CDC73: variants seen among roughly 807,000 people sequenced by gnomAD.
CDC73 encodes cell division cycle 73.
A neutral mutation model predicts 83.7 loss-of-function variants in CDC73; 21 were observed. The observed-to-expected ratio is 0.25, with a 90% CI of 0.18 to 0.36. CDC73 has a LOEUF of 0.36. Among genes scored for constraint, CDC73 ranks in the 10% least tolerant of loss-of-function variants. The probability of loss-of-function intolerance (pLI) is 1.00; values close to 1 mark genes in which losing one functional copy is unlikely to be tolerated. For synonymous variants in CDC73, 224 were observed against 212.9 expected, an observed-to-expected ratio of 1.05 and a Z score of -0.45; for missense variants, 342 against 653.3, an observed-to-expected ratio of 0.52 and a Z score of 5.19.
chr1:193,250,297 A>G (rs1314781861), intron 16 of CDC73, among the ~76,000 whole-genome samples: 2 of 151,890 alleles, frequency 1.3e-5, no homozygotes, highest in Admixed American at 1.3e-4. Context: ...AATTACTAGT[A>G]TAGTGTTCAT....
intron 9 of CDC73, among the ~76,000 whole-genome samples, chr1:193,151,165 C>T (rs1676101731): frequency 6.6e-6 from 1 of 152,106 alleles, no homozygotes; most frequent in Non-Finnish European, 1.5e-5. Context: ...TGACTTGATT[C>T]ATGAAAATAT....
At chr1:193,202,318 A>G (rs977982767) in intron 10 of CDC73, among the ~76,000 whole-genome samples, 6 of 148,616 alleles carry the variant, frequency 4.0e-5, no homozygotes, top group Admixed American at 3.5e-4. Context: ...GTCCCCTAAC[A>G]TGAACTTAGA....
intron 13 of CDC73, among the ~76,000 whole-genome samples, chr1:193,228,177 G>A (rs1239323047): frequency 6.6e-6 from 1 of 152,068 alleles, no homozygotes; most frequent in Non-Finnish European, 1.5e-5. Flanking sequence ...ATTGTAATAT[G>A]TCATATAATT....
chr1:193,191,084 G>A (rs1676910510), intron 10 of CDC73, among the ~76,000 whole-genome samples: 1 of 152,130 alleles, frequency 6.6e-6, no homozygotes, highest in Non-Finnish European at 1.5e-5. Context: ...TTAAAACATT[G>A]TTGGAACATA....
chr1:193,145,358 C>A (rs183867133), intron 7 of CDC73, among the ~76,000 whole-genome samples: 3 of 152,248 alleles, frequency 2.0e-5, no homozygotes, highest in East Asian at 3.9e-4. Context: ...AGGATAGATT[C>A]TCTCGGTATT....
intron 3 of CDC73, among the ~76,000 whole-genome samples, chr1:193,130,974 C>T (rs1353526230): frequency 6.6e-6 from 1 of 152,108 alleles, no homozygotes; most frequent in Non-Finnish European, 1.5e-5. Flanking sequence ...GTTTCCAAGA[C>T]TTGATCTTTT....
chr1:193,141,806 C>A, intron 6 of CDC73, 44 bp from the exon 7 acceptor site: 1 of 1,209,198 alleles, frequency 8.3e-7, no homozygotes, highest in Non-Finnish European at 1.2e-6. Flanking sequence ...TGATACACTC[C>A]AGGAATGCCT....
intron 10 of CDC73, chr1:193,179,652 A>G (rs1015272767): frequency 2.6e-5 from 4 of 152,608 alleles, no homozygotes; most frequent in Admixed American, 2.6e-4. Context: ...ATGTCAAAAT[A>G]ATTTTCCCCC....
At chr1:193,161,236 TCTTA>T (rs1240531553) in intron 10 of CDC73, 1 of 177,136 alleles carries the variant, frequency 5.6e-6, no homozygotes, top group African/African-American at 2.4e-5. Flanking sequence ...GTTTTTAAAC[TCTTA>T]CTTGCTTCTG....
intron 10 of CDC73, among the ~76,000 whole-genome samples, chr1:193,162,255 T>C (rs1676344755): frequency 9.1e-6 from 1 of 110,394 alleles, no homozygotes; most frequent in South Asian, 2.7e-4. Flanking sequence ...ATAATAAATA[T>C]AGTATATATA....
chr1:193,149,260 T>G (rs1558288018), intron 8 of CDC73, among the ~76,000 whole-genome samples: 1 of 152,154 alleles, frequency 6.6e-6, no homozygotes, highest in Non-Finnish European at 1.5e-5. Flanking sequence ...AGTTTTTTCA[T>G]GGACCAGGGG....
intron 7 of CDC73, among the ~76,000 whole-genome samples, chr1:193,145,810 A>G (rs773056450): frequency 1.5e-4 from 23 of 152,192 alleles, no homozygotes; most frequent in Non-Finnish European, 3.1e-4. Flanking sequence ...CTCTCATTTT[A>G]TATACATATT....
intron 3 of CDC73, among the ~76,000 whole-genome samples, chr1:193,133,328 A>G (rs1379964824): frequency 2.0e-5 from 3 of 152,194 alleles, no homozygotes; most frequent in African/African-American, 7.2e-5. Context: ...CATAATAGCT[A>G]AAGATGTTGG....
chr1:193,162,725 A>G (rs1278987163), intron 10 of CDC73, among the ~76,000 whole-genome samples: 2 of 152,062 alleles, frequency 1.3e-5, no homozygotes, highest in Admixed American at 6.6e-5. Context: ...ATCATCCTCT[A>G]CAGTGAATTC....
intron 13 of CDC73, among the ~76,000 whole-genome samples, chr1:193,216,024 A>T (rs1677360974): frequency 6.6e-6 from 1 of 152,184 alleles, no homozygotes; most frequent in Admixed American, 6.5e-5. Flanking sequence ...CAAATTAACC[A>T]CCTAACGTCA....
chr1:193,181,254 G>T (rs770667754), intron 10 of CDC73: 5 of 1,613,954 alleles, frequency 3.1e-6, no homozygotes, highest in East Asian at 2.2e-5. Flanking sequence ...GTGGTGACAG[G>T]TCTGTGTTAT....
At chr1:193,233,881 C>T (rs1677703284) in intron 14 of CDC73, among the ~76,000 whole-genome samples, 1 of 151,926 alleles carries the variant, frequency 6.6e-6, no homozygotes. Flanking sequence ...AATTTAGACA[C>T]ACAAATTACC....
intron 16 of CDC73, 73 bp from the exon 17 acceptor site, chr1:193,250,603 G>T (rs1262793889): frequency 9.4e-7 from 1 of 1,068,542 alleles, no homozygotes; most frequent in African/African-American, 1.6e-5. Context: ...ATGTCAACTT[G>T]TTTTTACATG....
At chr1:193,149,056 G>A (rs1676058578) in intron 8 of CDC73, among the ~76,000 whole-genome samples, 1 of 152,088 alleles carries the variant, frequency 6.6e-6, no homozygotes, top group Non-Finnish European at 1.5e-5. Flanking sequence ...AAGATGGTAG[G>A]CTTTTGTTGA....
Sources: allele counts gnomAD v4.1 joint callset (sites outside exome capture counted in the v4.1 genomes callset), GRCh38; gene constraint gnomAD v4.1.1; transcripts MANE v1.5; gene names NCBI Gene and HGNC (gene_info 2026-07-23, HGNC 2026-07-21).